PNPLA3: variants seen among roughly 807,000 people sequenced by gnomAD.
PNPLA3 encodes 1-acylglycerol-3-phosphate O-acyltransferase PNPLA3.
PNPLA3 carries 42 observed loss-of-function variants against 43.1 expected under a neutral mutation model. That is an observed-to-expected ratio of 0.97 (90% CI 0.76 to 1.26). The LOEUF (loss-of-function observed/expected upper bound fraction) is 1.26, where lower values mean the gene tolerates loss of function less well. Ranked by LOEUF, PNPLA3 falls within the 50% of genes most tolerant of loss-of-function variation. The pLI, the probability that PNPLA3 is intolerant of heterozygous loss-of-function variation, is 0.00. For synonymous variants in PNPLA3, 272 were observed against 253.6 expected (o/e 1.07, Z -0.69); for missense variants, 647 against 621.4 (o/e 1.04, Z -0.44).
intron 7 of PNPLA3, 72 bp from the exon 8 acceptor site, chr22:43,944,619 A>C: frequency 7.7e-7 from 1 of 1,290,362 alleles, no homozygotes; most frequent in Non-Finnish European, 1.1e-6. Flanking sequence ...AGCTTTTGTA[A>C]ACAAAGGGTA....
At chr22:43,928,922 T>G in intron 3 of PNPLA3, 33 bp downstream of exon 3, 1 of 1,572,712 alleles carries the variant, frequency 6.4e-7, no homozygotes, top group Non-Finnish European at 8.8e-7. Flanking sequence ...CGCTGAGTCC[T>G]GGGGGCCTCT....
chr22:43,929,034 T>A, intron 3 of PNPLA3, 145 bp downstream of exon 3: 1 of 822,022 alleles, frequency 1.2e-6, no homozygotes, highest in Non-Finnish European at 2.0e-6. Context: ...TCAGACAGAG[T>A]AGCCACAGCT....
At position 43,946,643 on chromosome 22, in the gene PNPLA3, C is replaced by T. The variant is rs1416464071; in HGVS notation, c.*261C>T. Reference sequence around the variant, plus strand: ...CCAGGAAGCCCAGTGCAGAGGGTCCCTTACTGACTGTTTCGTGGCCCTATT... The same window carrying T: ...CCAGGAAGCCCAGTGCAGAGGGTCCTTTACTGACTGTTTCGTGGCCCTATT... On this transcript the variant is annotated 3_prime_UTR_variant, in exon 9 of 9. Coordinates refer to ENST00000216180, the MANE Select transcript of PNPLA3 (RefSeq NM_025225.3). 7 of 684,598 alleles carry T rather than the reference C, an allele frequency of 1.0e-5. No homozygotes were observed. Among genetic ancestry groups the T allele is most frequent in the Non-Finnish European group, 1.9e-5 (7 of 367,900 alleles). 42.4% of individuals were successfully genotyped at this position (684,598 alleles called of 1,614,324 possible).
intron 3 of PNPLA3, among the ~76,000 whole-genome samples, chr22:43,930,068 A>T (rs1486086049): frequency 6.6e-6 from 1 of 152,144 alleles, no homozygotes; most frequent in African/African-American, 2.4e-5. Flanking sequence ...GGAACCTTTG[A>T]TGCAATCCTG....
intron 3 of PNPLA3, among the ~76,000 whole-genome samples, chr22:43,930,470 G>A (rs1264252452): frequency 6.6e-6 from 1 of 152,166 alleles, no homozygotes; most frequent in African/African-American, 2.4e-5. Flanking sequence ...CCAACCCCTT[G>A]TTATGCTGGT....
chr22:43,938,454 C>G (rs911221256), intron 6 of PNPLA3, among the ~76,000 whole-genome samples: 1 of 152,162 alleles, frequency 6.6e-6, no homozygotes, highest in East Asian at 1.9e-4. Context: ...GGCATCTGCT[C>G]AGCTTCTGGG....
intron 6 of PNPLA3, among the ~76,000 whole-genome samples, chr22:43,938,256 A>G (rs543566205): frequency 6.6e-6 from 1 of 152,206 alleles, no homozygotes; most frequent in Non-Finnish European, 1.5e-5. Flanking sequence ...GCATTTGGAG[A>G]AATTCAAAAA....
intron 7 of PNPLA3, among the ~76,000 whole-genome samples, chr22:43,942,010 G>A (rs2050034032): frequency 6.6e-6 from 1 of 152,174 alleles, no homozygotes; most frequent in Non-Finnish European, 1.5e-5. Flanking sequence ...TACCTGAGCT[G>A]TTAAAATAAC....
At position 43,927,076 on chromosome 22, in the gene PNPLA3, T is replaced by C. The variant is rs773769898; in HGVS notation, c.329T>C (p.Ile110Thr). The change falls in exon 2 of 9, where the codon ATC (isoleucine) becomes ACC (threonine). Residue 110 changes from isoleucine to threonine, a missense_variant. Physicochemically the swap from Ile to Thr is moderately conservative, Grantham distance 89 (BLOSUM62 -1). Transcript: ENST00000216180. ...KCLPANVHQLISGKIGISLTR... is the reference protein window; with the variant it reads ...KCLPANVHQLTSGKIGISLTR... ...CTCCCGGCCAATGTCCACCAGCTCA[T>C]CTCCGGCAAAATAGGCATCTCTCTT... 1.9e-6 allele frequency: 3 copies of C among 1,614,102 alleles called. No homozygotes were observed. The African/African-American group carries it at 4.0e-5, about 22-fold the overall frequency.
chr22:43,942,852 A>G (rs2050040337), intron 7 of PNPLA3, among the ~76,000 whole-genome samples: 1 of 151,804 alleles, frequency 6.6e-6, no homozygotes, highest in African/African-American at 2.4e-5. Context: ...GCAAGCACAC[A>G]TCACCACACC....
rs375429661 is a variant in PNPLA3 at position 43,944,261 on chromosome 22, A to C, written c.1113-430A>C. Among the ~76,000 whole-genome samples, 5 of 151,970 alleles carry C rather than the reference A, an allele frequency of 3.3e-5. No homozygotes were observed. The South Asian group carries it at 8.3e-4, about 25-fold the overall frequency. ...AGAGACCCTGAGGTGGGGGTCCTTT[A>C]TGTGTCTGGGGGATGGAGAGTCTAG... On this transcript the variant is annotated intron_variant, in intron 7 of 8. Transcript: ENST00000216180.
intron 6 of PNPLA3, among the ~76,000 whole-genome samples, 181 bp downstream of exon 6, chr22:43,937,453 C>T (rs972368289): frequency 6.6e-5 from 10 of 152,186 alleles, no homozygotes; most frequent in Admixed American, 5.9e-4. Context: ...AGCCCCCAAC[C>T]CCCCCAATCC....
chr22:43,924,400 A>T, intron 1 of PNPLA3: 1 of 381,102 alleles, frequency 2.6e-6, no homozygotes, highest in Non-Finnish European at 4.7e-6. Context: ...CTCCGGACTG[A>T]GAGTCGGAGC....
At chr22:43,934,036 GC>G (rs1366817796) in intron 4 of PNPLA3, among the ~76,000 whole-genome samples, 3 of 152,274 alleles carry the variant, frequency 2.0e-5, no homozygotes, top group Admixed American at 6.5e-5. Context: ...ACAAGCTCCT[GC>G]CAGGCGCGGT....
At chr22:43,940,906 C>T (rs1258542478) in intron 7 of PNPLA3, among the ~76,000 whole-genome samples, 3 of 151,096 alleles carry the variant, frequency 2.0e-5, no homozygotes, top group African/African-American at 4.9e-5. Flanking sequence ...TTTGGGAGGC[C>T]GAGGTGGGTG....
chr22:43,936,040 G>A (rs1249189885), intron 5 of PNPLA3, among the ~76,000 whole-genome samples: 1 of 152,182 alleles, frequency 6.6e-6, no homozygotes, highest in East Asian at 1.9e-4. Flanking sequence ...TTTGGGAAGA[G>A]GAAGACAGAA....
chr22:43,927,565 CAT>C (rs1376080801), intron 2 of PNPLA3, among the ~76,000 whole-genome samples: 2 of 150,300 alleles, frequency 1.3e-5, no homozygotes, highest in African/African-American at 2.4e-5. Flanking sequence ...GCCAGAGTGA[CAT>C]AAACTCTGTA....
In PNPLA3 at chr22:43,946,555, A is replaced by G. The variant is rs760758882; in HGVS notation, c.*173A>G. The G allele has an allele frequency of 1.4e-6, 1 of 720,128 alleles. No individual in the cohort carries two copies. Among genetic ancestry groups the G allele is most frequent in the Non-Finnish European group, 2.5e-6 (1 of 401,098 alleles). 44.6% of individuals were successfully genotyped at this position (720,128 alleles called of 1,614,324 possible). A position where few individuals can be genotyped will look rare whatever the true frequency, so the allele number is the denominator to read the frequency against. On this transcript the variant is annotated 3_prime_UTR_variant, in exon 9 of 9. Coordinates refer to ENST00000216180, the MANE Select transcript of PNPLA3 (RefSeq NM_025225.3). ...CTAGGAAGCAACCTTTCGCCTGTGCAGCGGTCCAGCACTTAACTCTAATAC... is the reference window on the plus strand; with the variant it reads ...CTAGGAAGCAACCTTTCGCCTGTGCGGCGGTCCAGCACTTAACTCTAATAC...
At chr22:43,925,056 G>C (rs2049913008) in intron 1 of PNPLA3, among the ~76,000 whole-genome samples, 1 of 151,576 alleles carries the variant, frequency 6.6e-6, no homozygotes, top group Non-Finnish European at 1.5e-5. Context: ...AGTGGGGAGG[G>C]GTACCTTGAA....
Sources: allele counts gnomAD v4.1 joint callset (sites outside exome capture counted in the v4.1 genomes callset), GRCh38; gene constraint gnomAD v4.1.1; transcripts MANE v1.5; gene names NCBI Gene and HGNC (gene_info 2026-07-23, HGNC 2026-07-21).